Variants in ATP8A2 observed in about 807,000 individuals in gnomAD.
The protein encoded by ATP8A2 is ATPase phospholipid transporting 8A2.
ATP8A2 carries 100 observed loss-of-function variants against 165.6 expected under a neutral mutation model. That is an observed-to-expected ratio of 0.60 (90% confidence interval 0.51 to 0.71). The LOEUF (loss-of-function observed/expected upper bound fraction) is 0.71, where lower values mean the gene tolerates loss of function less well. ATP8A2 is among the 30% of genes least tolerant of loss of function. The probability of loss-of-function intolerance (pLI) is 0.00; values close to 1 mark genes in which losing one functional copy is unlikely to be tolerated. For synonymous variants in ATP8A2, 543 were observed against 548.8 expected (o/e 0.99, Z 0.15); for missense variants, 1,227 against 1,479.5 (o/e 0.83, Z 2.80).
intron 35 of ATP8A2, among the ~76,000 whole-genome samples, chr13:25,980,255 C>A (rs1235499996): frequency 6.6e-6 from 1 of 152,172 alleles, no homozygotes; most frequent in East Asian, 1.9e-4. Context: ...CATGACTGTG[C>A]TTCCCACTGA....
intron 1 of ATP8A2, among the ~76,000 whole-genome samples, chr13:25,429,977 G>A (rs548781557): frequency 6.6e-6 from 1 of 152,312 alleles, no homozygotes; most frequent in Admixed American, 6.5e-5. Context: ...CAGTTTGGCA[G>A]TGAAACAAGG....
chr13:25,507,165 T>C (rs1013407220), intron 2 of ATP8A2, among the ~76,000 whole-genome samples: 1 of 151,796 alleles, frequency 6.6e-6, no homozygotes, highest in East Asian at 1.9e-4. Flanking sequence ...TGCCAATATA[T>C]TGAAGAGTGA....
chr13:25,747,299 T>C (rs2044054160), intron 25 of ATP8A2, among the ~76,000 whole-genome samples: 2 of 152,370 alleles, frequency 1.3e-5, no homozygotes, highest in South Asian at 4.1e-4. Flanking sequence ...GCCGTGCTCC[T>C]TGGGCTCTCA....
chr13:25,395,313 C>T lies in ATP8A2; in HGVS notation c.76+23025C>T, dbSNP rs145909051. Among the ~76,000 whole-genome samples, 1,403 of 152,036 alleles carry T rather than the reference C, an allele frequency of 9.2e-3. 17 individuals carry two copies. Among genetic ancestry groups the T allele is most frequent in the African/African-American group, 0.032 (1,327 of 41,472 alleles). On this transcript the variant is annotated intron_variant, in intron 1 of 36. Transcript: ENST00000381655. ...TCTTGTCTTGGGCCTGAGGGGGCTT[C>T]TGTCTTTTTTAAAAATGCCTTGAGA...
At chr13:25,449,850 A>G (rs1214294965) in intron 1 of ATP8A2, among the ~76,000 whole-genome samples, 1 of 152,146 alleles carries the variant, frequency 6.6e-6, no homozygotes, top group African/African-American at 2.4e-5. Flanking sequence ...TTTTAAATTC[A>G]GGGGTACAAG....
rs140628443 is a variant in ATP8A2 at position 25,577,767 on chromosome 13, G to A, written c.1782+629G>A. ...CTGTTAAATTTTAGTCTTATGTATC[G>A]AGGGAAAGAATTATTAAACTTATTT... On this transcript the variant is annotated intron_variant, in intron 20 of 36. Transcript: ENST00000381655. Among the ~76,000 whole-genome samples, 1,188 of 152,190 alleles carry A rather than the reference G, an allele frequency of 7.8e-3. 16 individuals are homozygous for A. Among genetic ancestry groups the A allele is most frequent in the African/African-American group, 0.025 (1,037 of 41,526 alleles).
intron 33 of ATP8A2, among the ~76,000 whole-genome samples, chr13:25,910,655 AGAACCT>A (rs1318612025): frequency 6.6e-6 from 1 of 152,186 alleles, no homozygotes; most frequent in Non-Finnish European, 1.5e-5. Flanking sequence ...GATGTCTACT[AGAACCT>A]GATGAAAGTG....
At chr13:25,595,974 G>A (rs966883747) in intron 24 of ATP8A2, among the ~76,000 whole-genome samples, 2 of 152,108 alleles carry the variant, frequency 1.3e-5, no homozygotes, top group Non-Finnish European at 2.9e-5. Context: ...AAAGAGACCT[G>A]GTTAGTCTAG....
intron 24 of ATP8A2, among the ~76,000 whole-genome samples, chr13:25,594,391 C>A (rs905340498): frequency 1.3e-5 from 2 of 152,050 alleles, no homozygotes; most frequent in African/African-American, 4.8e-5. Context: ...TATACAAAAC[C>A]TTGCCAGGAT....
intron 35 of ATP8A2, among the ~76,000 whole-genome samples, chr13:25,987,805 T>G (rs1956302588): frequency 2.6e-5 from 4 of 152,168 alleles, no homozygotes; most frequent in Admixed American, 1.3e-4. Context: ...GTAACACAAC[T>G]AACAATAAAA....
At chr13:25,915,259 C>T (rs573144216) in intron 33 of ATP8A2, among the ~76,000 whole-genome samples, 6 of 152,292 alleles carry the variant, frequency 3.9e-5, no homozygotes, top group Admixed American at 2.6e-4. Context: ...TTACCATCAA[C>T]GGGTTGTGTA....
At chr13:25,912,036 A>G (rs1954122818) in intron 33 of ATP8A2, among the ~76,000 whole-genome samples, 1 of 152,182 alleles carries the variant, frequency 6.6e-6, no homozygotes, top group Non-Finnish European at 1.5e-5. Context: ...AAAGATTTCA[A>G]ATCAGTATGT....
At chr13:26,019,783 G>A (rs1566358738) in intron 36 of ATP8A2, 105 bp from the exon 37 acceptor site, 2 of 730,294 alleles carry the variant, frequency 2.7e-6, no homozygotes, top group East Asian at 2.5e-5. Flanking sequence ...GAGGCCAGAT[G>A]TCGCACTCAC....
At chr13:25,496,171 C>T (rs915366920) in intron 2 of ATP8A2, among the ~76,000 whole-genome samples, 1 of 152,072 alleles carries the variant, frequency 6.6e-6, no homozygotes, top group African/African-American at 2.4e-5. Flanking sequence ...GAAGCCATTC[C>T]TACAATTGAT....
chr13:25,771,407 C>A (rs2044616762), intron 26 of ATP8A2, among the ~76,000 whole-genome samples: 1 of 152,188 alleles, frequency 6.6e-6, no homozygotes, highest in Non-Finnish European at 1.5e-5. Flanking sequence ...TTATTAAATA[C>A]TTGAGTTATA....
At chr13:25,612,934 G>A (rs1345447878) in intron 24 of ATP8A2, among the ~76,000 whole-genome samples, 1 of 152,034 alleles carries the variant, frequency 6.6e-6, no homozygotes, top group Non-Finnish European at 1.5e-5. Context: ...AGTTTGTTTG[G>A]TCTGATGTAA....
chr13:25,725,128 G>C (rs2043465413), intron 25 of ATP8A2, among the ~76,000 whole-genome samples: 1 of 152,204 alleles, frequency 6.6e-6, no homozygotes, highest in Admixed American at 6.5e-5. Flanking sequence ...CATCTCTGAA[G>C]GCCATTGGTA....
chr13:25,833,302 A>G (rs919420900), intron 28 of ATP8A2, among the ~76,000 whole-genome samples: 5 of 152,168 alleles, frequency 3.3e-5, no homozygotes, highest in African/African-American at 1.2e-4. Flanking sequence ...GATTCCACAT[A>G]GACTCAATCC....
chr13:26,007,207 A>G (rs943824949), intron 35 of ATP8A2, among the ~76,000 whole-genome samples: 6 of 152,188 alleles, frequency 3.9e-5, no homozygotes, highest in East Asian at 1.9e-4. Flanking sequence ...ACCCATTTCA[A>G]TCTTGAGCTT....
Sources: allele counts gnomAD v4.1 joint callset (sites outside exome capture counted in the v4.1 genomes callset), GRCh38; gene constraint gnomAD v4.1.1; transcripts MANE v1.5; gene names NCBI Gene and HGNC (gene_info 2026-07-23, HGNC 2026-07-21).